The following LPAR3 variants were observed in gnomAD, a reference collection of about 807,000 sequenced individuals.
The protein encoded by LPAR3 is lysophosphatidic acid receptor 3, also known as LPA receptor 3.
A neutral mutation model predicts 17.8 loss-of-function variants in LPAR3; 7 were observed. The observed-to-expected ratio is 0.39, with a 90% confidence interval of 0.22 to 0.74. LPAR3 has a LOEUF of 0.74. LPAR3 is among the 30% of genes least tolerant of loss of function. LPAR3 has a pLI of 0.40. For synonymous variants in LPAR3, 179 were observed against 179.9 expected, an observed-to-expected ratio of 0.99 and a Z score of 0.04; for missense variants, 391 against 453.4, an observed-to-expected ratio of 0.86 and a Z score of 1.25.
At position 84,877,725 on chromosome 1, in the gene LPAR3, G is replaced by A. The variant is rs368109233; in HGVS notation, c.-18-11587C>T. ...GATTCGGACTCTCAGTCAGGAGGTGGGGTGGGGAGTCCCCTGACATTGCAC... is the reference window on the plus strand; with the variant it reads ...GATTCGGACTCTCAGTCAGGAGGTGAGGTGGGGAGTCCCCTGACATTGCAC... On this transcript the variant is annotated intron_variant, in intron 1 of 2. Transcript: ENST00000370611. Among the ~76,000 whole-genome samples, 32 of 152,228 alleles carry A rather than the reference G, an allele frequency of 2.1e-4. No individual in the cohort carries two copies. The East Asian group carries it at 6.2e-3, about 29-fold the overall frequency.
chr1:84,858,049 A>T (rs1659861683), intron 2 of LPAR3, among the ~76,000 whole-genome samples: 1 of 152,212 alleles, frequency 6.6e-6, no homozygotes, highest in South Asian at 2.1e-4. Context: ...GGGTTAAGTG[A>T]AATAAAATCC....
At chr1:84,861,812 T>A (rs913271878) in intron 2 of LPAR3, among the ~76,000 whole-genome samples, 3 of 152,252 alleles carry the variant, frequency 2.0e-5, no homozygotes, top group African/African-American at 7.2e-5. Flanking sequence ...CAATGTTGTC[T>A]TATCTCAATT....
intron 2 of LPAR3, among the ~76,000 whole-genome samples, chr1:84,861,122 T>A (rs116146436): frequency 0.022 from 3,342 of 152,300 alleles, 151 homozygotes; most frequent in African/African-American, 0.076. Context: ...ATAAAGACAT[T>A]TAAATCCTCC....
At chr1:84,848,739 TG>T (rs1323724620) in intron 2 of LPAR3, among the ~76,000 whole-genome samples, 1 of 152,158 alleles carries the variant, frequency 6.6e-6, no homozygotes, top group Non-Finnish European at 1.5e-5. Context: ...CTGGGTCTGC[TG>T]TGTCACCTCA....
At chr1:84,819,721 AAAG>A (rs1358503458) in intron 2 of LPAR3, among the ~76,000 whole-genome samples, 1 of 152,224 alleles carries the variant, frequency 6.6e-6, no homozygotes, top group Non-Finnish European at 1.5e-5. Context: ...AGTGGCAGCA[AAAG>A]TAGTCTACAG....
At chr1:84,829,451 C>T (rs888231616) in intron 2 of LPAR3, among the ~76,000 whole-genome samples, 1 of 151,976 alleles carries the variant, frequency 6.6e-6, no homozygotes, top group African/African-American at 2.4e-5. Context: ...ATCTCTAACT[C>T]ATCTGCCAAT....
intron 1 of LPAR3, among the ~76,000 whole-genome samples, chr1:84,881,582 G>A (rs549694464): frequency 6.6e-6 from 1 of 152,192 alleles, no homozygotes; most frequent in Admixed American, 6.5e-5. Flanking sequence ...ATTTAACAAG[G>A]AATGGTGACA....
At chr1:84,824,318 A>G (rs972723949) in intron 2 of LPAR3, among the ~76,000 whole-genome samples, 1 of 152,172 alleles carries the variant, frequency 6.6e-6, no homozygotes, top group African/African-American at 2.4e-5. Context: ...CAGGAATGAC[A>G]TGGTCCTGAC....
intron 2 of LPAR3, among the ~76,000 whole-genome samples, chr1:84,829,225 T>C (rs1297259480): frequency 2.8e-5 from 4 of 144,110 alleles, no homozygotes; most frequent in African/African-American, 1.0e-4. Flanking sequence ...TTTTTGTCAT[T>C]ACCCTAGTTG....
At chr1:84,883,876 T>C (rs192849445) in intron 1 of LPAR3, among the ~76,000 whole-genome samples, 1 of 152,310 alleles carries the variant, frequency 6.6e-6, no homozygotes, top group East Asian at 1.9e-4. Context: ...AGAAATATAA[T>C]TGCAGAAAGT....
At chr1:84,876,263 T>C (rs1218384438) in intron 1 of LPAR3, among the ~76,000 whole-genome samples, 2 of 152,142 alleles carry the variant, frequency 1.3e-5, no homozygotes, top group Non-Finnish European at 1.5e-5. Context: ...TGTAAATGAA[T>C]ATAACGCACA....
At chr1:84,851,367 C>G (rs1283733985) in intron 2 of LPAR3, among the ~76,000 whole-genome samples, 2 of 151,858 alleles carry the variant, frequency 1.3e-5, no homozygotes, top group African/African-American at 4.8e-5. Flanking sequence ...CACCCCAGGT[C>G]CCACCCAATA....
intron 2 of LPAR3, among the ~76,000 whole-genome samples, chr1:84,853,107 GAAAA>G (rs34146882): frequency 1.8e-4 from 25 of 141,556 alleles, no homozygotes; most frequent in Middle Eastern, 3.6e-3. Context: ...GAAAAGAAAA[GAAAA>G]AAAAAAAAAA....
chr1:84,816,824 T>C (rs1298968471), intron 2 of LPAR3, among the ~76,000 whole-genome samples: 5 of 152,124 alleles, frequency 3.3e-5, no homozygotes, highest in Non-Finnish European at 5.9e-5. Flanking sequence ...AAAAAATATA[T>C]AAATATCTTC....
chr1:84,888,151 T>TAC (rs757810280), intron 1 of LPAR3, among the ~76,000 whole-genome samples: 2,727 of 90,996 alleles, frequency 0.03, 60 homozygotes, highest in African/African-American at 0.082. Context: ...TATACATACA[T>TAC]ACACACACAC....
rs1424649564 is a variant in LPAR3 at position 84,812,398 on chromosome 1, C to T, written c.*1448G>A. 2.0e-5 allele frequency: 3 copies of T among 148,638 alleles called. No homozygotes were observed. Among genetic ancestry groups the T allele is most frequent in the African/African-American group, 7.4e-5 (3 of 40,398 alleles). The allele number at this position is 148,638 out of a possible 1,614,324, so 9.2% of individuals were successfully genotyped here. A position where few individuals can be genotyped will look rare whatever the true frequency, so the allele number is the denominator to read the frequency against. The stretch of plus-strand genomic sequence containing the variant: ...CAAAGTGAAGTTGTTTAAATATACA[C>T]ATGTGTTCCCTGACATTCTCTAGTC... On this transcript the variant is annotated 3_prime_UTR_variant, in exon 3 of 3. Coordinates refer to ENST00000370611, the MANE Select transcript of LPAR3 (RefSeq NM_012152.3).
chr1:84,831,831 C>T (rs896672312), intron 2 of LPAR3, among the ~76,000 whole-genome samples: 17 of 146,764 alleles, frequency 1.2e-4, no homozygotes, highest in Non-Finnish European at 2.4e-4. Flanking sequence ...TAAACTGTAT[C>T]ATATATATAT....
At chr1:84,830,751 A>G (rs1407303728) in intron 2 of LPAR3, among the ~76,000 whole-genome samples, 1 of 152,192 alleles carries the variant, frequency 6.6e-6, no homozygotes, top group Non-Finnish European at 1.5e-5. Context: ...GGAAAATTAA[A>G]TGTGCTCCCT....
At chr1:84,838,129 C>T (rs1194487864) in intron 2 of LPAR3, among the ~76,000 whole-genome samples, 1 of 152,132 alleles carries the variant, frequency 6.6e-6, no homozygotes, top group African/African-American at 2.4e-5. Context: ...TCACCTCCCA[C>T]AAAAGTAGTC....
Sources: allele counts gnomAD v4.1 joint callset (sites outside exome capture counted in the v4.1 genomes callset), GRCh38; gene constraint gnomAD v4.1.1; transcripts MANE v1.5; gene names NCBI Gene and HGNC (gene_info 2026-07-23, HGNC 2026-07-21).